The following GRIK2 variants were observed in gnomAD, a reference collection of about 807,000 sequenced individuals.
GRIK2 encodes glutamate ionotropic receptor kainate type subunit 2, also known as glutamate receptor ionotropic, kainate 2.
A neutral mutation model predicts 100.3 loss-of-function variants in GRIK2; 32 were observed. The observed-to-expected ratio is 0.32, with a 90% confidence interval of 0.24 to 0.43. GRIK2 has a LOEUF of 0.43. Among genes scored for constraint, GRIK2 ranks in the 20% least tolerant of loss-of-function variants. The pLI is 1.00. For missense variants in GRIK2, 843 were observed against 1,114.9 expected (o/e 0.76, Z 3.47); for synonymous variants, 417 against 389.4 (o/e 1.07, Z -0.83).
intron 14 of GRIK2, among the ~76,000 whole-genome samples, chr6:101,948,091 T>C (rs1475059443): frequency 6.6e-6 from 1 of 152,198 alleles, no homozygotes; most frequent in Non-Finnish European, 1.5e-5. Flanking sequence ...TCAGTTTATT[T>C]GTTTGGAAAA....
chr6:101,517,889 G>A (rs1267316204), intron 2 of GRIK2, among the ~76,000 whole-genome samples: 1 of 151,898 alleles, frequency 6.6e-6, no homozygotes, highest in Non-Finnish European at 1.5e-5. Flanking sequence ...AAGAGTCAAT[G>A]TTGGTCTTGG....
intron 12 of GRIK2, among the ~76,000 whole-genome samples, chr6:101,906,849 G>A (rs1788265953): frequency 6.6e-6 from 1 of 151,780 alleles, no homozygotes; most frequent in Non-Finnish European, 1.5e-5. Context: ...GCACTAGAGT[G>A]TGGTAGCACA....
intron 14 of GRIK2, among the ~76,000 whole-genome samples, chr6:101,971,569 A>G (rs1554185149): frequency 6.6e-6 from 1 of 152,014 alleles, no homozygotes; most frequent in Non-Finnish European, 1.5e-5. Context: ...TTATAATTGC[A>G]ACTTTTATTT....
intron 14 of GRIK2, among the ~76,000 whole-genome samples, chr6:102,013,644 G>A (rs1009418225): frequency 2.0e-5 from 3 of 152,072 alleles, no homozygotes; most frequent in Admixed American, 6.5e-5. Flanking sequence ...AACATGAAAA[G>A]ATGTTGAATA....
intron 7 of GRIK2, among the ~76,000 whole-genome samples, chr6:101,728,281 T>G (rs1775014285): frequency 6.6e-6 from 1 of 152,080 alleles, no homozygotes; most frequent in South Asian, 2.1e-4. Flanking sequence ...ATCAACTAAG[T>G]AACAATAGTA....
chr6:101,631,858 T>A (rs1006562047), intron 4 of GRIK2, among the ~76,000 whole-genome samples: 1 of 152,100 alleles, frequency 6.6e-6, no homozygotes, highest in Non-Finnish European at 1.5e-5. Flanking sequence ...TTTTTAAAAA[T>A]GCAATTCTGA....
In GRIK2 at chr6:101,621,983, G is replaced by A. The variant is rs764268991; in HGVS notation, c.150G>A (p.Met50Ile). The A allele has an allele frequency of 1.2e-6, 2 of 1,610,394 alleles. No homozygotes were observed. Among genetic ancestry groups the A allele is most frequent in the Non-Finnish European group, 1.7e-6 (2 of 1,176,892 alleles). ...GIFEYVESGP[M>I]GAEELAFRFA... ...TTGAATATGTGGAATCTGGCCCAATGGGAGCTGAGGAACTTGCATTCAGAT... is the reference window on the plus strand; with the variant it reads ...TTGAATATGTGGAATCTGGCCCAATAGGAGCTGAGGAACTTGCATTCAGAT... The change falls in exon 3 of 17, where the codon ATG becomes ATA. Residue 50 changes from methionine (M) to isoleucine (I), a missense_variant. By Grantham distance (10) the Met-to-Ile change is conservative (BLOSUM62 1). This residue lies in a region of GRIK2 where 519 missense variants were observed against 643.8 expected (regional missense o/e 0.81). Transcript: ENST00000369134.
intron 1 of GRIK2, among the ~76,000 whole-genome samples, chr6:101,397,770 A>T (rs1021029948): frequency 4.6e-5 from 7 of 152,128 alleles, no homozygotes; most frequent in African/African-American, 1.4e-4. Flanking sequence ...TTTTTGTGAG[A>T]TTTAACCTAT....
chr6:101,688,037 T>C (rs74499344), intron 7 of GRIK2, among the ~76,000 whole-genome samples: 305 of 147,816 alleles, frequency 2.1e-3, no homozygotes, highest in African/African-American at 7.2e-3. Flanking sequence ...ATTGTTGTTA[T>C]GATCATGTGA....
chr6:101,607,037 T>G (rs1305991805), intron 2 of GRIK2, among the ~76,000 whole-genome samples: 4 of 151,972 alleles, frequency 2.6e-5, no homozygotes, highest in Non-Finnish European at 1.5e-5. Flanking sequence ...CCTAAATAAA[T>G]ATGCATGACA....
intron 5 of GRIK2, among the ~76,000 whole-genome samples, chr6:101,682,191 A>G (rs1053927868): frequency 9.9e-5 from 15 of 152,216 alleles, no homozygotes; most frequent in African/African-American, 3.1e-4. Context: ...GTTCATTAAA[A>G]TAAAATGGTG....
chr6:101,839,844 A>T (rs1412530721), intron 10 of GRIK2, among the ~76,000 whole-genome samples: 1 of 152,172 alleles, frequency 6.6e-6, no homozygotes. Context: ...GGATTGAGGT[A>T]AAAAAGCAGA....
At chr6:101,756,403 G>GTTACATTTATAATCTACATTTATAAATGT in intron 7 of GRIK2, among the ~76,000 whole-genome samples, 1 of 142,896 alleles carries the variant, frequency 7.0e-6, no homozygotes, top group African/African-American at 2.8e-5. Context: ...TTTATAAATG[G>GTTACATTTATAATCTACATTTATAAATGT]TTACATTTAT....
chr6:101,673,724 C>T (rs1770607866), intron 4 of GRIK2, among the ~76,000 whole-genome samples: 1 of 152,118 alleles, frequency 6.6e-6, no homozygotes. Flanking sequence ...GTATATGATT[C>T]CTCAATGATG....
intron 7 of GRIK2, among the ~76,000 whole-genome samples, chr6:101,742,036 A>G (rs1776059506): frequency 6.6e-6 from 1 of 152,266 alleles, no homozygotes; most frequent in South Asian, 2.1e-4. Flanking sequence ...AATATGCCCT[A>G]GTGGTAACAG....
At chr6:101,815,258 T>C (rs1237582974) in intron 9 of GRIK2, among the ~76,000 whole-genome samples, 2 of 152,312 alleles carry the variant, frequency 1.3e-5, no homozygotes, top group East Asian at 1.9e-4. Context: ...AAAGTTTAAA[T>C]TGATCTTCTT....
intron 2 of GRIK2, among the ~76,000 whole-genome samples, chr6:101,602,549 A>G (rs1343412002): frequency 1.3e-5 from 2 of 151,266 alleles, no homozygotes; most frequent in Non-Finnish European, 3.0e-5. Context: ...GAGAGAATGA[A>G]TGATTAGTTT....
chr6:101,846,177 A>C (rs555627104), intron 10 of GRIK2, among the ~76,000 whole-genome samples: 1 of 152,204 alleles, frequency 6.6e-6, no homozygotes, highest in Non-Finnish European at 1.5e-5. Context: ...TGTCCAATTT[A>C]TCTATATATT....
At chr6:101,486,393 G>C (rs1562172179) in intron 2 of GRIK2, among the ~76,000 whole-genome samples, 9 of 139,160 alleles carry the variant, frequency 6.5e-5, no homozygotes, top group Non-Finnish European at 1.4e-4. Context: ...GGGTGGGGCG[G>C]GGGGGGGAAG....
Sources: gnomAD v4.1 joint callset for allele counts (sites outside exome capture counted in the v4.1 genomes callset) on GRCh38, gnomAD v4.1.1 for gene constraint, gnomAD v4.1.1 regional missense constraint, MANE v1.5 for transcripts, NCBI Gene and HGNC (gene_info 2026-07-23, HGNC 2026-07-21) for gene names.